The following CDH8 variants were observed in gnomAD, a reference collection of about 807,000 sequenced individuals.
CDH8 encodes the protein cadherin 8, also known as cadherin-8.
Under a neutral mutation model 68.1 loss-of-function variants are expected in CDH8, and 17 were observed. The observed-to-expected ratio is 0.25, with a 90% CI of 0.17 to 0.37. The LOEUF (loss-of-function observed/expected upper bound fraction) is 0.37. Ranked by LOEUF, CDH8 falls within the 10% of genes least tolerant of loss-of-function variation. The pLI is 1.00. For synonymous variants in CDH8, 372 were observed against 365.1 expected, an observed-to-expected ratio of 1.02 and a Z score of -0.21; for missense variants, 763 against 999.3, an observed-to-expected ratio of 0.76 and a Z score of 3.19.
chr16:61,827,382 A>C (rs1962362510), intron 4 of CDH8, among the ~76,000 whole-genome samples: 1 of 151,878 alleles, frequency 6.6e-6, no homozygotes, highest in Non-Finnish European at 1.5e-5. Flanking sequence ...ATTTTTTTCA[A>C]GAAAGTTGAT....
intron 2 of CDH8, among the ~76,000 whole-genome samples, chr16:61,917,144 G>C (rs938071300): frequency 1.3e-5 from 2 of 151,368 alleles, no homozygotes; most frequent in African/African-American, 4.9e-5. Context: ...TAGGAGGAGA[G>C]AACTGGGGAG....
At position 61,654,011 on chromosome 16, in the gene CDH8, C is replaced by G; in HGVS notation, c.1997G>C (p.Arg666Pro). ...CTCCCCTCCTCCTTCATCATCGTAG[C>G]GAATGATGTTTTCTCGAACGTCTTC... ...DDEDVRENII[R>P]YDDEGGGEED... The change falls in exon 12 of 12, where the codon CGC becomes CCC. Residue 666 changes from arginine to proline, a missense_variant. By Grantham distance (103) the Arg-to-Pro change is moderately radical. Around this residue, in one of 2 missense-constraint regions of CDH8, gnomAD observed 397 missense variants for 436.2 expected, o/e 0.91. Coordinates refer to ENST00000577390, the MANE Select transcript of CDH8 (RefSeq NM_001796.5). 6.2e-7 allele frequency: 1 copy of G among 1,613,362 alleles called. No individual in the cohort carries two copies. The highest frequency in any genetic ancestry group is 8.5e-7 in the Non-Finnish European group (1 of 1,179,396).
intron 10 of CDH8, among the ~76,000 whole-genome samples, chr16:61,671,574 C>T (rs1963796182): frequency 1.3e-5 from 2 of 151,814 alleles, no homozygotes; most frequent in Admixed American, 6.6e-5. Context: ...ATTAAAACAG[C>T]CTGTCTAAAC....
At chr16:61,677,548 T>G (rs1402314060) in intron 10 of CDH8, among the ~76,000 whole-genome samples, 1 of 151,740 alleles carries the variant, frequency 6.6e-6, no homozygotes, top group African/African-American at 2.4e-5. Context: ...AGTCAGAAAA[T>G]TACATAGAGA....
intron 2 of CDH8, among the ~76,000 whole-genome samples, chr16:61,928,013 C>T (rs1024956431): frequency 2.6e-5 from 4 of 152,142 alleles, no homozygotes; most frequent in Admixed American, 1.3e-4. Context: ...TTGCATTTTG[C>T]ATGCAATAGT....
chr16:61,854,817 C>CT (rs1963011246), intron 4 of CDH8, among the ~76,000 whole-genome samples: 1 of 151,796 alleles, frequency 6.6e-6, no homozygotes. Flanking sequence ...AGTCTCAATT[C>CT]TTTTTTTTAA....
chr16:61,770,143 T>G (rs1475576353), intron 8 of CDH8, among the ~76,000 whole-genome samples: 1 of 151,888 alleles, frequency 6.6e-6, no homozygotes, highest in Non-Finnish European at 1.5e-5. Flanking sequence ...AGTGTTCAGG[T>G]TACATCCATC....
intron 3 of CDH8, among the ~76,000 whole-genome samples, chr16:61,862,188 C>A (rs1219818422): frequency 2.0e-5 from 3 of 151,730 alleles, no homozygotes; most frequent in Non-Finnish European, 4.4e-5. Flanking sequence ...TTATCTCATT[C>A]TTCCATCCAG....
At chr16:61,956,659 G>A (rs1964993996) in intron 2 of CDH8, among the ~76,000 whole-genome samples, 1 of 152,032 alleles carries the variant, frequency 6.6e-6, no homozygotes, top group Admixed American at 6.6e-5. Context: ...TCCTTGGCAG[G>A]AATTTATTTT....
intron 2 of CDH8, among the ~76,000 whole-genome samples, chr16:62,005,192 A>T (rs1965953969): frequency 6.6e-6 from 1 of 152,334 alleles, no homozygotes; most frequent in South Asian, 2.1e-4. Context: ...GCCGAGTGAC[A>T]CTCAACTGTG....
chr16:61,869,137 T>C (rs182425793), intron 3 of CDH8, among the ~76,000 whole-genome samples: 19 of 152,298 alleles, frequency 1.2e-4, no homozygotes, highest in Admixed American at 9.2e-4. Context: ...TCTTTCTCTG[T>C]ATTCTCACTT....
chr16:61,894,426 T>C (rs1963835933), intron 3 of CDH8, among the ~76,000 whole-genome samples: 1 of 152,148 alleles, frequency 6.6e-6, no homozygotes, highest in Non-Finnish European at 1.5e-5. Context: ...TGATGAGGTC[T>C]GTGTATTTGA....
intron 3 of CDH8, among the ~76,000 whole-genome samples, chr16:61,860,297 G>A (rs898388177): frequency 1.1e-4 from 16 of 152,088 alleles, no homozygotes; most frequent in African/African-American, 2.9e-4. Context: ...AGAACTGTGC[G>A]AAAATAATTT....
intron 2 of CDH8, among the ~76,000 whole-genome samples, chr16:61,987,180 T>C (rs1328710270): frequency 1.3e-5 from 2 of 152,158 alleles, no homozygotes; most frequent in African/African-American, 4.8e-5. Flanking sequence ...CTGTGGATCA[T>C]ACAATTTGGA....
chr16:61,768,369 C>CTCTCTCTCTCTCTCTCTCTCT (rs1567461189), intron 8 of CDH8, among the ~76,000 whole-genome samples: 2 of 23,542 alleles, frequency 8.5e-5, no homozygotes, highest in African/African-American at 1.8e-4. Context: ...TCTCTCTCTC[C>CTCTCTCTCTCTCTCTCTCTCT]CTTTCTCTCT....
At chr16:61,842,820 G>A (rs371431489) in intron 4 of CDH8, among the ~76,000 whole-genome samples, 139 of 152,186 alleles carry the variant, frequency 9.1e-4, no homozygotes, top group African/African-American at 3.2e-3. Context: ...TCAAATTACT[G>A]TTGTGCTTAT....
At chr16:61,999,978 C>A (rs1047523580) in intron 2 of CDH8, among the ~76,000 whole-genome samples, 1 of 151,918 alleles carries the variant, frequency 6.6e-6, no homozygotes, top group Non-Finnish European at 1.5e-5. Flanking sequence ...CGACCCCTGG[C>A]AGACCCCAGT....
intron 10 of CDH8, among the ~76,000 whole-genome samples, chr16:61,674,357 G>A (rs1963855598): frequency 6.6e-6 from 1 of 151,698 alleles, no homozygotes; most frequent in African/African-American, 2.4e-5. Flanking sequence ...AGGAGGCTGA[G>A]GCAGGAGAAT....
chr16:62,035,752 G>A (rs1442756781), intron 1 of CDH8, among the ~76,000 whole-genome samples: 3 of 152,198 alleles, frequency 2.0e-5, no homozygotes, highest in Admixed American at 1.3e-4. Context: ...GTTGGGAAGC[G>A]GCGAAATAGC....
Sources: allele counts gnomAD v4.1 joint callset (sites outside exome capture counted in the v4.1 genomes callset), GRCh38; gene constraint gnomAD v4.1.1; regional missense constraint gnomAD v4.1.1; transcripts MANE v1.5; gene names NCBI Gene and HGNC (gene_info 2026-07-23, HGNC 2026-07-21).